The following GPC5 variants were observed in gnomAD, a reference collection of about 807,000 sequenced individuals.
The protein encoded by GPC5 is glypican-5.
GPC5 carries 47 observed loss-of-function variants against 53.9 expected under a neutral mutation model. The ratio of observed to expected loss-of-function variants is 0.87; its 90% CI spans 0.69 to 1.11. GPC5 has a LOEUF of 1.11. Ranked by LOEUF, GPC5 falls within the 50% of genes most tolerant of loss-of-function variation. The probability of loss-of-function intolerance (pLI) is 0.00; values close to 1 mark genes in which losing one functional copy is unlikely to be tolerated. For synonymous variants in GPC5, 286 were observed against 263.3 expected, an observed-to-expected ratio of 1.09 and a Z score of -0.84; for missense variants, 748 against 713.1, an observed-to-expected ratio of 1.05 and a Z score of -0.56.
intron 7 of GPC5, among the ~76,000 whole-genome samples, chr13:92,549,343 G>A (rs891551260): frequency 1.6e-4 from 25 of 152,040 alleles, no homozygotes; most frequent in Non-Finnish European, 1.2e-4. Flanking sequence ...TTTTTCTGAC[G>A]CTGCAGGTTA....
chr13:92,262,944 ACT>A (rs1438938876), intron 7 of GPC5, among the ~76,000 whole-genome samples: 2 of 151,912 alleles, frequency 1.3e-5, no homozygotes, highest in Admixed American at 1.3e-4. Flanking sequence ...TCCCGGTATT[ACT>A]CTCTATCCTA....
At chr13:92,858,303 G>T (rs531041060) in intron 7 of GPC5, among the ~76,000 whole-genome samples, 2 of 152,144 alleles carry the variant, frequency 1.3e-5, no homozygotes, top group Non-Finnish European at 2.9e-5. Context: ...CCCTGCACAC[G>T]CTGTCTTGCC....
chr13:91,786,412 A>G (rs1411559930), intron 5 of GPC5, among the ~76,000 whole-genome samples: 1 of 151,208 alleles, frequency 6.6e-6, no homozygotes, highest in Non-Finnish European at 1.5e-5. Flanking sequence ...TCCCTTCCTT[A>G]CTCACTTTGC....
At chr13:92,527,128 GAA>G (rs1326814639) in intron 7 of GPC5, among the ~76,000 whole-genome samples, 1 of 97,628 alleles carries the variant, frequency 1.0e-5, no homozygotes, top group African/African-American at 4.0e-5. Flanking sequence ...AAGAAAGAAA[GAA>G]AGAAAGAAAG....
intron 2 of GPC5, among the ~76,000 whole-genome samples, chr13:91,529,867 A>T (rs749161865): frequency 1.2e-4 from 18 of 152,032 alleles, no homozygotes; most frequent in Non-Finnish European, 2.1e-4. Context: ...TCTCGGTCAC[A>T]AGTGGGTCTG....
chr13:92,088,888 G>A (rs1173598007), intron 6 of GPC5, among the ~76,000 whole-genome samples: 1 of 152,164 alleles, frequency 6.6e-6, no homozygotes, highest in Non-Finnish European at 1.5e-5. Context: ...CAAGAACAAT[G>A]TGATAGCATA....
chr13:92,389,034 C>A (rs887075965), intron 7 of GPC5, among the ~76,000 whole-genome samples: 1 of 152,018 alleles, frequency 6.6e-6, no homozygotes, highest in Non-Finnish European at 1.5e-5. Flanking sequence ...GGAAAGCAGC[C>A]AGACACTGCA....
In GPC5 at chr13:91,685,864, G is replaced by A. The variant is rs116271691; in HGVS notation, c.326-7323G>A. Among the ~76,000 whole-genome samples, 1,257 of 151,754 alleles carry A rather than the reference G, an allele frequency of 8.3e-3. 18 individuals are homozygous for A. The highest frequency in any genetic ancestry group is 0.029 in the African/African-American group (1,185 of 41,430). ...GAGAAAATGAGGACAGGAATTATGAGTTAGCAGAATGAAAGCTTTTGTTTA... is the reference window on the plus strand; with the variant it reads ...GAGAAAATGAGGACAGGAATTATGAATTAGCAGAATGAAAGCTTTTGTTTA... On this transcript the variant is annotated intron_variant, in intron 2 of 7. Coordinates refer to ENST00000377067, the MANE Select transcript of GPC5 (RefSeq NM_004466.6).
chr13:92,211,713 C>T (rs567626130), intron 7 of GPC5, among the ~76,000 whole-genome samples: 9 of 152,286 alleles, frequency 5.9e-5, no homozygotes, highest in African/African-American at 1.9e-4. Context: ...TTCTGAGGCA[C>T]AAATTTGAGA....
chr13:92,670,615 GT>G (rs1162847695), intron 7 of GPC5, among the ~76,000 whole-genome samples: 1 of 152,024 alleles, frequency 6.6e-6, no homozygotes, highest in African/African-American at 2.4e-5. Flanking sequence ...CACAAAGTTG[GT>G]GTTTCCATGT....
At chr13:92,757,922 G>T (rs1456453252) in intron 7 of GPC5, among the ~76,000 whole-genome samples, 2 of 151,384 alleles carry the variant, frequency 1.3e-5, no homozygotes, top group Non-Finnish European at 2.9e-5. Flanking sequence ...AAGTCAGTGT[G>T]GCGATTCCTC....
intron 2 of GPC5, among the ~76,000 whole-genome samples, chr13:91,521,276 A>G (rs1885802124): frequency 6.6e-6 from 1 of 152,198 alleles, no homozygotes; most frequent in Non-Finnish European, 1.5e-5. Context: ...TCTAAACACA[A>G]TGAAAATCTT....
intron 7 of GPC5, among the ~76,000 whole-genome samples, chr13:92,296,540 C>G (rs938054249): frequency 1.3e-5 from 2 of 152,160 alleles, no homozygotes; most frequent in African/African-American, 4.8e-5. Flanking sequence ...CAGCACCACC[C>G]CTGCCTGGGC....
chr13:92,469,576 T>G (rs1161746336), intron 7 of GPC5, among the ~76,000 whole-genome samples: 2 of 152,146 alleles, frequency 1.3e-5, no homozygotes, highest in Non-Finnish European at 2.9e-5. Context: ...ATTATATAAT[T>G]GCTGAGTTGG....
Position 92,707,441 on chromosome 13 carries a change from G to A in GPC5, c.1562-158841G>A, listed in dbSNP as rs569952191. On this transcript the variant is annotated intron_variant, in intron 7 of 7. Transcript: ENST00000377067. ...TCAGAATCTATTTCCTCTGCTTGTTGTTTTGTTTCCAACGGCCCTTGACTA... is the reference window on the plus strand; with the variant it reads ...TCAGAATCTATTTCCTCTGCTTGTTATTTTGTTTCCAACGGCCCTTGACTA... Among the ~76,000 whole-genome samples the A allele has an allele frequency of 4.3e-4, 65 of 152,068 alleles. 1 individual carries two copies. Among genetic ancestry groups the A allele is most frequent in the African/African-American group, 1.5e-3 (61 of 41,500 alleles).
intron 1 of GPC5, among the ~76,000 whole-genome samples, chr13:91,428,036 C>T (rs1879177654): frequency 6.6e-6 from 1 of 152,154 alleles, no homozygotes; most frequent in Non-Finnish European, 1.5e-5. Flanking sequence ...GTCAATTAAA[C>T]CTCTCGTCTA....
intron 6 of GPC5, among the ~76,000 whole-genome samples, chr13:92,089,025 G>A (rs1380768376): frequency 2.0e-5 from 3 of 152,054 alleles, no homozygotes; most frequent in Non-Finnish European, 4.4e-5. Context: ...AAATGTCACT[G>A]GCCAAGACAT....
intron 1 of GPC5, among the ~76,000 whole-genome samples, chr13:91,423,518 C>T (rs944849955): frequency 3.3e-5 from 5 of 151,880 alleles, no homozygotes; most frequent in African/African-American, 1.2e-4. Flanking sequence ...CTTGGATATA[C>T]ATAGGCTTAA....
At chr13:91,646,934 G>A (rs1255181511) in intron 2 of GPC5, among the ~76,000 whole-genome samples, 2 of 152,010 alleles carry the variant, frequency 1.3e-5, no homozygotes, top group Non-Finnish European at 2.9e-5. Flanking sequence ...CAGACACTTT[G>A]AAAATATTAA....
Sources: allele counts gnomAD v4.1 joint callset (sites outside exome capture counted in the v4.1 genomes callset), GRCh38; gene constraint gnomAD v4.1.1; transcripts MANE v1.5; gene names NCBI Gene and HGNC (gene_info 2026-07-23, HGNC 2026-07-21).